ZFPM2: variants seen among roughly 807,000 people sequenced by gnomAD.
The protein encoded by ZFPM2 is zinc finger protein ZFPM2.
Under a neutral mutation model 98.6 loss-of-function variants are expected in ZFPM2, and 20 were observed. The observed-to-expected ratio is 0.20, with a 90% CI of 0.14 to 0.29. The LOEUF is 0.29. Among genes scored for constraint, ZFPM2 ranks in the 10% least tolerant of loss-of-function variants. The pLI is 1.00. For missense variants in ZFPM2, 1,310 were observed against 1,388.6 expected, an observed-to-expected ratio of 0.94 and a Z score of 0.90; for synonymous variants, 518 against 502.7, an observed-to-expected ratio of 1.03 and a Z score of -0.41.
chr8:105,359,076 T>C (rs1812804405), intron 1 of ZFPM2, among the ~76,000 whole-genome samples: 1 of 152,154 alleles, frequency 6.6e-6, no homozygotes, highest in Non-Finnish European at 1.5e-5. Context: ...CCCCAAGTGT[T>C]GAGGGGAGAA....
intron 3 of ZFPM2, among the ~76,000 whole-genome samples, chr8:105,466,392 AT>A (rs1457628997): frequency 6.6e-6 from 1 of 152,062 alleles, no homozygotes; most frequent in Admixed American, 6.6e-5. Context: ...CTATAAATTA[AT>A]TTCTGTAAGC....
At chr8:105,654,725 A>G (rs1817250164) in intron 5 of ZFPM2, among the ~76,000 whole-genome samples, 1 of 152,208 alleles carries the variant, frequency 6.6e-6, no homozygotes, top group Non-Finnish European at 1.5e-5. Flanking sequence ...AGAACTGAGT[A>G]TAAAAGGTCT....
intron 5 of ZFPM2, among the ~76,000 whole-genome samples, chr8:105,649,388 T>C (rs1477643528): frequency 1.3e-5 from 2 of 152,178 alleles, no homozygotes; most frequent in Non-Finnish European, 2.9e-5. Context: ...TCCTGCCTGA[T>C]TGCCCTGGCC....
intron 3 of ZFPM2, among the ~76,000 whole-genome samples, chr8:105,499,843 C>T (rs529623653): frequency 6.6e-6 from 1 of 152,228 alleles, no homozygotes; most frequent in South Asian, 2.1e-4. Context: ...AAGTTTGGAG[C>T]ATGGGTGATT....
intron 5 of ZFPM2, among the ~76,000 whole-genome samples, chr8:105,759,328 T>C (rs1040239800): frequency 9.2e-5 from 14 of 152,112 alleles, no homozygotes; most frequent in African/African-American, 2.9e-4. Context: ...AAAAGAATCA[T>C]GTTTTCTTGA....
intron 4 of ZFPM2, among the ~76,000 whole-genome samples, chr8:105,582,473 A>AG (rs2130745448): frequency 6.6e-6 from 1 of 152,344 alleles, no homozygotes; most frequent in African/African-American, 2.4e-5. Context: ...TGCAATGCAC[A>AG]GGATGGCTCT....
intron 1 of ZFPM2, among the ~76,000 whole-genome samples, chr8:105,366,033 A>G (rs1441636818): frequency 6.6e-6 from 1 of 152,192 alleles, no homozygotes; most frequent in African/African-American, 2.4e-5. Context: ...GTATTGTTTA[A>G]ATAATTCACT....
rs1463984973 is a variant in ZFPM2, at chr8:105,788,944, T to C, written c.739+20T>C. 2 of 1,594,992 alleles carry C rather than the reference T, an allele frequency of 1.3e-6. No homozygotes were observed. The highest frequency in any genetic ancestry group is 4.5e-5 in the East Asian group (2 of 44,514). ...TCAATAGTAAGTGCTCAGTGCTGTG[T>C]AGCCCAGCTTTAGAGGTGATGGGAA... On this transcript the variant is annotated intron_variant, in intron 6 of 7. Coordinates refer to ENST00000407775, the MANE Select transcript of ZFPM2 (RefSeq NM_012082.4).
intron 1 of ZFPM2, among the ~76,000 whole-genome samples, chr8:105,400,988 A>G (rs1811328785): frequency 6.6e-6 from 1 of 151,968 alleles, no homozygotes; most frequent in African/African-American, 2.4e-5. Flanking sequence ...AAATTCCCCA[A>G]GGAATTTTAA....
intron 1 of ZFPM2, chr8:105,418,488 T>C: frequency 6.0e-6 from 3 of 501,326 alleles, no homozygotes; most frequent in South Asian, 4.3e-5. Flanking sequence ...TGTATTTTTA[T>C]TACTGAAAAA....
intron 4 of ZFPM2, among the ~76,000 whole-genome samples, chr8:105,602,294 A>G (rs1177872512): frequency 6.6e-6 from 1 of 152,130 alleles, no homozygotes; most frequent in African/African-American, 2.4e-5. Flanking sequence ...TGAAAGCCTC[A>G]TGAAAAAAAA....
At position 105,547,599 on chromosome 8, in the gene ZFPM2, A is replaced by G. The variant is rs185159272; in HGVS notation, c.302-13764A>G. Among the ~76,000 whole-genome samples, 125 of 151,268 alleles carry G rather than the reference A, an allele frequency of 8.3e-4. 2 individuals carry two copies. Among genetic ancestry groups the G allele is most frequent in the African/African-American group, 3.0e-3 (124 of 41,286 alleles). ...TCAGAGTGTGTTTAAAGAAAGCTAT[A>G]CTTTAAATTCGTGGTTTTACTTAAG... On this transcript the variant is annotated intron_variant, in intron 3 of 7. Transcript: ENST00000407775.
chr8:105,790,519 A>T (rs1813576469), intron 6 of ZFPM2, among the ~76,000 whole-genome samples: 1 of 151,940 alleles, frequency 6.6e-6, no homozygotes, highest in Admixed American at 6.6e-5. Context: ...GTTTGAAGTC[A>T]GGTAGCGTGA....
chr8:105,534,210 T>C (rs1351593154), intron 3 of ZFPM2, among the ~76,000 whole-genome samples: 3 of 66,336 alleles, frequency 4.5e-5, no homozygotes, highest in African/African-American at 7.9e-5. Context: ...CCTCCCTTCT[T>C]CCTTCTTTTC....
At chr8:105,534,221 T>C in intron 3 of ZFPM2, among the ~76,000 whole-genome samples, 1 of 48,850 alleles carries the variant, frequency 2.0e-5, no homozygotes, top group African/African-American at 1.3e-4. Flanking sequence ...CCTTCTTTTC[T>C]TCCTCCCTTC....
intron 4 of ZFPM2, among the ~76,000 whole-genome samples, chr8:105,578,929 G>T (rs1236666148): frequency 1.3e-5 from 2 of 151,956 alleles, no homozygotes; most frequent in Admixed American, 6.6e-5. Context: ...GCTCATTATG[G>T]CATTAACAAT....
At chr8:105,727,658 A>T (rs1176492439) in intron 5 of ZFPM2, among the ~76,000 whole-genome samples, 1 of 151,746 alleles carries the variant, frequency 6.6e-6, no homozygotes, top group African/African-American at 2.4e-5. Context: ...CAAACTAATT[A>T]TAGTGTTCCC....
intron 3 of ZFPM2, among the ~76,000 whole-genome samples, chr8:105,544,892 G>A (rs1814659564): frequency 6.6e-6 from 1 of 152,136 alleles, no homozygotes; most frequent in African/African-American, 2.4e-5. Flanking sequence ...ATATATCATG[G>A]ATTGGTAATA....
chr8:105,328,659 G>A (rs1812158588), intron 1 of ZFPM2, among the ~76,000 whole-genome samples: 1 of 151,786 alleles, frequency 6.6e-6, no homozygotes, highest in South Asian at 2.1e-4. Context: ...TAGATTAAAT[G>A]GCTTTTAATT....
Sources: allele counts gnomAD v4.1 joint callset (sites outside exome capture counted in the v4.1 genomes callset), GRCh38; gene constraint gnomAD v4.1.1; transcripts MANE v1.5; gene names NCBI Gene and HGNC (gene_info 2026-07-23, HGNC 2026-07-21).